Variants in LRRC7 observed in about 807,000 individuals in gnomAD.
LRRC7 encodes leucine-rich repeat-containing protein 7.
A neutral mutation model predicts 175.7 loss-of-function variants in LRRC7; 23 were observed. The ratio of observed to expected loss-of-function variants is 0.13; its 90% confidence interval spans 0.09 to 0.19. The LOEUF (loss-of-function observed/expected upper bound fraction) is 0.19. Among genes scored for constraint, LRRC7 ranks in the 10% least tolerant of loss-of-function variants. LRRC7 has a pLI of 1.00. For synonymous variants in LRRC7, 685 were observed against 680.9 expected (o/e 1.01, Z -0.09); for missense variants, 1,354 against 1,904.7 (o/e 0.71, Z 5.38).
rs1665674685 is a variant in LRRC7, at chr1:69,717,838, GAAAAAAGAAAGAAAGGAAA to G, written c.100+39361_100+39379del. On this transcript the variant is annotated intron_variant, in intron 2 of 26. Transcript: ENST00000651989. ...AGAAAGAAAGAAAGAAAGAAAGAAA[GAAAAAAGAAAGAAAGGAAA>G]GAAAGAAAGAAAGAAAGAAAGAGAG... Among the ~76,000 whole-genome samples the G allele has an allele frequency of 1.3e-3, 38 of 29,166 alleles. 2 individuals are homozygous for G. Among genetic ancestry groups the G allele is most frequent in the Non-Finnish European group, 1.8e-3 (31 of 17,250 alleles). The allele number at this position is 29,166 out of a possible 152,430, so 19.1% of individuals were successfully genotyped here.
chr1:69,892,204 G>A (rs1188305072), intron 7 of LRRC7, among the ~76,000 whole-genome samples: 1 of 152,222 alleles, frequency 6.6e-6, no homozygotes, highest in African/African-American at 2.4e-5. Context: ...ATCAGGCAGA[G>A]AAAATAGTGG....
chr1:69,706,371 A>T (rs1263144267), intron 2 of LRRC7, among the ~76,000 whole-genome samples: 1 of 152,110 alleles, frequency 6.6e-6, no homozygotes, highest in Admixed American at 6.6e-5. Flanking sequence ...GACCTCAGAA[A>T]CAGAGTCTAG....
intron 1 of LRRC7, among the ~76,000 whole-genome samples, chr1:69,650,539 C>CAAAA (rs574357981): frequency 7.6e-5 from 6 of 79,222 alleles, no homozygotes; most frequent in South Asian, 5.5e-4. Flanking sequence ...GACTCCGTCT[C>CAAAA]AAAAAAAAAA....
intron 26 of LRRC7, among the ~76,000 whole-genome samples, chr1:70,117,301 C>T (rs1243125584): frequency 2.0e-5 from 3 of 152,172 alleles, no homozygotes. Flanking sequence ...AAAATTACAA[C>T]ATCATCTGGA....
intron 11 of LRRC7, 118 bp downstream of exon 11, chr1:69,994,751 C>A: frequency 1.7e-6 from 1 of 605,232 alleles, no homozygotes; most frequent in Admixed American, 2.9e-5. Context: ...GTTCATCTGT[C>A]AGCTTATTTT....
At position 70,057,460 on chromosome 1, in the gene LRRC7, C is replaced by A. The variant is rs61782644; in HGVS notation, c.4230+4315C>A. On this transcript the variant is annotated intron_variant, in intron 23 of 26. Coordinates refer to ENST00000651989, the MANE Select transcript of LRRC7 (RefSeq NM_001370785.2). ...ATTTTTGCAGTTGTCACGGAGTGAG[C>A]AGTTAGGCTAGACATAATGGGAATG... 2.6e-3 allele frequency among the ~76,000 whole-genome samples: 389 copies of A among 152,222 alleles called. 2 individuals carry two copies. The highest frequency in any genetic ancestry group is 0.014 in the South Asian group (69 of 4,814).
At chr1:69,622,002 A>G (rs890821172) in intron 1 of LRRC7, among the ~76,000 whole-genome samples, 1 of 152,150 alleles carries the variant, frequency 6.6e-6, no homozygotes, top group African/African-American at 2.4e-5. Flanking sequence ...AGACTCTTAT[A>G]TGTTATACTT....
At position 70,090,301 on chromosome 1, in the gene LRRC7, G is replaced by C. The variant is rs183964391; in HGVS notation, c.4545+482G>C. On this transcript the variant is annotated intron_variant, in intron 25 of 26. Transcript: ENST00000651989. ...TGTAAAGAATTTTGCTAATAGAACT[G>C]TAGAATTGAGAAACCACAGAAAACA... 2.8e-3 allele frequency among the ~76,000 whole-genome samples: 420 copies of C among 152,230 alleles called. 3 individuals carry two copies. The highest frequency in any genetic ancestry group is 3.7e-3 in the Non-Finnish European group (255 of 68,016).
intron 7 of LRRC7, among the ~76,000 whole-genome samples, chr1:69,846,818 G>A (rs1396085183): frequency 1.3e-5 from 2 of 151,974 alleles, no homozygotes; most frequent in African/African-American, 4.8e-5. Context: ...ATCTGGGTGT[G>A]TGCAAGAAAA....
At chr1:69,821,917 G>T (rs960581162) in intron 4 of LRRC7, among the ~76,000 whole-genome samples, 1 of 152,028 alleles carries the variant, frequency 6.6e-6, no homozygotes, top group Non-Finnish European at 1.5e-5. Context: ...TGTTATTTTG[G>T]TGGTGTCATA....
chr1:69,828,214 TTATGAGTAAAGCTGG>T (rs1436120811), intron 5 of LRRC7, among the ~76,000 whole-genome samples: 3 of 152,264 alleles, frequency 2.0e-5, no homozygotes, highest in African/African-American at 7.2e-5. Flanking sequence ...TTTTTGGCTA[TTATGAGTAAAGCTGG>T]TACAAACTAT....
At chr1:69,781,782 A>AAGG (rs1673668117) in intron 3 of LRRC7, among the ~76,000 whole-genome samples, 3 of 55,456 alleles carry the variant, frequency 5.4e-5, no homozygotes, top group African/African-American at 2.6e-4. Flanking sequence ...AGAAAGAAAG[A>AAGG]AAGAAAGGAA....
In LRRC7 at chr1:70,028,161, A is replaced by G; in HGVS notation, c.1795-10A>G. On this transcript the variant is annotated splice_polypyrimidine_tract_variant and intron_variant, in intron 17 of 26. Transcript: ENST00000651989. ...ATTTTTATGTTAAATTTCTTTTTGT[A>G]AACTTCTAGGTTGAAATAAACCTAA... is the stretch of plus-strand genomic sequence containing the variant. 1 of 1,599,402 alleles carries G rather than the reference A, an allele frequency of 6.3e-7. No individual in the cohort carries two copies. The highest frequency in any genetic ancestry group is 1.1e-5 in the South Asian group (1 of 88,902).
intron 2 of LRRC7, among the ~76,000 whole-genome samples, chr1:69,735,099 C>T (rs1038900085): frequency 2.6e-5 from 4 of 151,832 alleles, no homozygotes; most frequent in Non-Finnish European, 4.4e-5. Context: ...TTCATATTGC[C>T]TCTCCTAAAT....
At chr1:69,872,013 G>A (rs1264802488) in intron 7 of LRRC7, among the ~76,000 whole-genome samples, 1 of 151,888 alleles carries the variant, frequency 6.6e-6, no homozygotes, top group Non-Finnish European at 1.5e-5. Flanking sequence ...TCAGTTGTAT[G>A]CAAAAATACT....
intron 2 of LRRC7, among the ~76,000 whole-genome samples, chr1:69,688,573 A>G (rs1325885680): frequency 6.6e-6 from 1 of 151,678 alleles, no homozygotes; most frequent in African/African-American, 2.4e-5. Flanking sequence ...AACCTCACAC[A>G]TGTGCATGAA....
At chr1:70,088,693 C>G (rs1425965639) in intron 24 of LRRC7, among the ~76,000 whole-genome samples, 1 of 152,140 alleles carries the variant, frequency 6.6e-6, no homozygotes, top group Non-Finnish European at 1.5e-5. Flanking sequence ...GGAGAACTAA[C>G]ATTTTTACCA....
intron 10 of LRRC7, among the ~76,000 whole-genome samples, chr1:69,994,230 C>T (rs774044552): frequency 3.9e-5 from 6 of 152,126 alleles, no homozygotes; most frequent in African/African-American, 7.2e-5. Context: ...TCACAGCTGG[C>T]TTGAAAAATT....
Position 70,089,757 on chromosome 1 carries a change from C to A in LRRC7, c.4483C>A (p.Leu1495Ile). 1 of 1,609,782 alleles carries A rather than the reference C, an allele frequency of 6.2e-7. No individual in the cohort carries two copies. Among genetic ancestry groups the A allele is most frequent in the South Asian group, 1.1e-5 (1 of 90,580 alleles). The change falls in exon 25 of 27, where the codon CTT (leucine) becomes ATT (isoleucine). Residue 1495 changes from leucine to isoleucine, a missense_variant. Transcript: ENST00000651989. Reference sequence around the variant, plus strand: ...TGTGAGAATAGAAAAGAATCCTGGCCTTGGATTTAGTATCAGTGGTGGAAT... The same window carrying A: ...TGTGAGAATAGAAAAGAATCCTGGCATTGGATTTAGTATCAGTGGTGGAAT... ...FCVRIEKNPG[L>I]GFSISGGISG...
Sources: allele counts gnomAD v4.1 joint callset (sites outside exome capture counted in the v4.1 genomes callset), GRCh38; gene constraint gnomAD v4.1.1; transcripts MANE v1.5; gene names NCBI Gene and HGNC (gene_info 2026-07-23, HGNC 2026-07-21).